Variants in FCHO1 observed in about 807,000 individuals in gnomAD.
FCHO1 encodes FCH and mu domain containing endocytic adaptor 1.
In FCHO1, 45 loss-of-function variants were observed where a neutral mutation model predicts 114.4. That is an observed-to-expected ratio of 0.39 (90% CI 0.31 to 0.50). FCHO1 has a LOEUF of 0.50. Ranked by LOEUF, FCHO1 falls within the 20% of genes least tolerant of loss-of-function variation. The pLI is 0.77. For missense variants in FCHO1, 1,042 were observed against 1,209.6 expected, an observed-to-expected ratio of 0.86 and a Z score of 2.06; for synonymous variants, 480 against 488.9, an observed-to-expected ratio of 0.98 and a Z score of 0.24.
Position 17,766,707 on chromosome 19 carries a change from C to T in FCHO1, c.233C>T (p.Ser78Leu), listed in dbSNP as rs2089309614. 5.6e-6 allele frequency: 9 copies of T among 1,614,064 alleles called. No homozygotes were observed. The highest frequency in any genetic ancestry group is 5.1e-6 in the Non-Finnish European group (6 of 1,180,040). ...CTCTGGGAGGTCTTCCGCGTCTCCT[C>T]GGACAAGCTGGCGCTGTGCCACCTG... Reference protein sequence around the residue: ...APLWEVFRVSSDKLALCHLEL... With the variant: ...APLWEVFRVSLDKLALCHLEL... Residue 78 changes from serine to leucine, a missense_variant, in exon 7 of 29, where the codon TCG becomes TTG. Transcript: ENST00000596536.
At chr19:17,783,511 G>T (rs961306672) in intron 24 of FCHO1, among the ~76,000 whole-genome samples, 2 of 151,482 alleles carry the variant, frequency 1.3e-5, no homozygotes, top group Non-Finnish European at 2.9e-5. Context: ...CAGGCAATCC[G>T]CCCGCCTTGG....
chr19:17,781,746 C>T lies in FCHO1; in HGVS notation c.1863C>T (p.Gly621=), dbSNP rs1423021102. The stretch of plus-strand genomic sequence containing the variant: ...GGGGTCCGAGCCCTGTGGTCCTGGG[C>T]TCCCAGGATGCCCTGCCCATAGCCA... ...VSRGPSPVVL[G]SQDALPIATA... is the part of the protein sequence containing the mutation. Residue 621 remains glycine, a synonymous_variant, in exon 23 of 29, where the codon GGC becomes GGT. Transcript: ENST00000596536. The T allele has an allele frequency of 1.2e-6, 2 of 1,610,672 alleles. No homozygotes were observed. The highest frequency in any genetic ancestry group is 1.7e-6 in the Non-Finnish European group (2 of 1,178,364).
chr19:17,766,883 C>G, intron 7 of FCHO1, 73 bp downstream of exon 7: 5 of 1,512,252 alleles, frequency 3.3e-6, no homozygotes, highest in Non-Finnish European at 4.5e-6. Context: ...CCCAGATCTT[C>G]TGGGGCTTTA....
At position 17,776,624 on chromosome 19, in the gene FCHO1, ATC is replaced by A; in HGVS notation, c.1208-7_1208-6del. 1 of 1,613,792 alleles carries A rather than the reference ATC, an allele frequency of 6.2e-7. No individual in the cohort carries two copies. ...GTGACAAGAAGGCTGAAGGAGGTGC[ATC>A]TCTTGTAGGGGACGCTGCTGGGAAA... On this transcript the variant is annotated splice_polypyrimidine_tract_variant and intron_variant, in intron 17 of 28. Transcript: ENST00000596536. This position sits in a 1 kb window ranked among gnomAD's most constrained non-coding sequence, Gnocchi z 4.4.
intron 18 of FCHO1, 143 bp from the exon 19 acceptor site, chr19:17,777,994 G>A (rs532891088): frequency 2.0e-5 from 12 of 596,366 alleles, no homozygotes; most frequent in African/African-American, 1.7e-4. Context: ...AGCTGAGATC[G>A]TGCCACTGCA....
Position 17,757,028 on chromosome 19 carries a change from A to C in FCHO1, c.27+1837A>C, listed in dbSNP as rs572864239. 1.4e-3 allele frequency among the ~76,000 whole-genome samples: 215 copies of C among 152,156 alleles called. 2 individuals are homozygous for C. The highest frequency in any genetic ancestry group is 2.0e-3 in the Non-Finnish European group (137 of 68,014). ...ACATGGCAAGACCCCATCTCTACTAAAAATACAAAAATTAGCCGGGCATAG... is the reference window on the plus strand; with the variant it reads ...ACATGGCAAGACCCCATCTCTACTACAAATACAAAAATTAGCCGGGCATAG... On this transcript the variant is annotated intron_variant, in intron 4 of 28. Transcript: ENST00000596536.
At position 17,775,531 on chromosome 19, in the gene FCHO1, C is replaced by A; in HGVS notation, c.1003+18C>A. ...CCAGAACAATATCCTTCTGGCACCC[C>A]CTGGGGGCAGTTGTTGGCACAGCAA... On this transcript the variant is annotated intron_variant, in intron 15 of 28. Coordinates refer to ENST00000596536, the MANE Select transcript of FCHO1 (RefSeq NM_015122.3). The surrounding 1 kb of genome is among the most constrained non-coding windows in gnomAD (Gnocchi z 5.1). 2 of 1,612,750 alleles carry A rather than the reference C, an allele frequency of 1.2e-6. No individual in the cohort carries two copies. Among genetic ancestry groups the A allele is most frequent in the South Asian group, 1.1e-5 (1 of 91,060 alleles).
At chr19:17,772,353 C>A in intron 9 of FCHO1, 104 bp from the exon 10 acceptor site, 2 of 840,016 alleles carry the variant, frequency 2.4e-6, no homozygotes, top group Non-Finnish European at 2.0e-6. Context: ...AAATCAATCA[C>A]TGAGCCAAGG....
intron 27 of FCHO1, among the ~76,000 whole-genome samples, chr19:17,787,425 A>T (rs2094007089): frequency 6.6e-6 from 1 of 151,684 alleles, no homozygotes; most frequent in Non-Finnish European, 1.5e-5. Context: ...AAAAAAAAAA[A>T]AAAGCTGAAG....
chr19:17,774,719 C>T, intron 13 of FCHO1: 1 of 589,456 alleles, frequency 1.7e-6, no homozygotes, highest in Non-Finnish European at 3.0e-6. Context: ...AATTGCCTGT[C>T]CCAGAGTAAC....
intron 11 of FCHO1, 35 bp from the exon 12 acceptor site, chr19:17,774,204 C>T (rs748823612): frequency 6.2e-7 from 1 of 1,610,666 alleles, no homozygotes; most frequent in African/African-American, 1.3e-5. Flanking sequence ...CCACCGTGCC[C>T]AGCCCCTCAA....
At chr19:17,771,366 A>G (rs564731767) in intron 9 of FCHO1, among the ~76,000 whole-genome samples, 13 of 146,166 alleles carry the variant, frequency 8.9e-5, no homozygotes, top group South Asian at 2.1e-4. Context: ...TATAAAAAAA[A>G]AAAAGAAAAG....
Position 17,784,356 on chromosome 19 carries a change from T to C in FCHO1, c.2226+121T>C, listed in dbSNP as rs1162614253. On this transcript the variant is annotated intron_variant, in intron 25 of 28. Coordinates refer to ENST00000596536, the MANE Select transcript of FCHO1 (RefSeq NM_015122.3). The surrounding 1 kb of genome is among the most constrained non-coding windows in gnomAD (Gnocchi z 5.3). ...GTCTCGAATTCCTGACCTCAAGAGATCCAATCTGTGAGAGCCGATGAGCTG... is the reference window on the plus strand; with the variant it reads ...GTCTCGAATTCCTGACCTCAAGAGACCCAATCTGTGAGAGCCGATGAGCTG... 3 of 1,278,828 alleles carry C rather than the reference T, an allele frequency of 2.3e-6. No homozygotes were observed. The highest frequency in any genetic ancestry group is 3.2e-6 in the Non-Finnish European group (3 of 933,126). The allele number at this position is 1,278,828 out of a possible 1,614,324, so 79.2% of individuals were successfully genotyped here.
intron 26 of FCHO1, 81 bp downstream of exon 26, chr19:17,785,005 G>A (rs1568376808): frequency 1.5e-5 from 21 of 1,427,980 alleles, no homozygotes; most frequent in Non-Finnish European, 1.8e-5. Flanking sequence ...ATTGATTAAA[G>A]GGTGCACCCT....
chr19:17,758,325 C>T (rs1287373151), intron 4 of FCHO1, among the ~76,000 whole-genome samples: 1 of 152,000 alleles, frequency 6.6e-6, no homozygotes, highest in Non-Finnish European at 1.5e-5. Flanking sequence ...GGCAATGATC[C>T]TTGGGAAGTG....
At position 17,781,812 on chromosome 19, in the gene FCHO1, C is replaced by T. The variant is rs769017557; in HGVS notation, c.1929C>T (p.His643=). 3.4e-5 allele frequency: 54 copies of T among 1,595,818 alleles called. No individual in the cohort carries two copies. The East Asian group carries it at 1.0e-3, about 30-fold the overall frequency. Residue 643 remains histidine (H), a synonymous_variant, in exon 23 of 29, where the codon CAC becomes CAT. Coordinates refer to ENST00000596536, the MANE Select transcript of FCHO1 (RefSeq NM_015122.3). ...TEYVHAYFRG[H]SPSCLARVTG... is the part of the protein sequence containing the mutation. ...ATGTCCACGCCTACTTCCGTGGCCA[C>T]AGCCCCAGGTACCCAGTGATGGGCA...
Position 17,778,698 on chromosome 19 carries a change from TC to T in FCHO1, c.1444del (p.His482ThrfsTer63). On this transcript the variant is annotated frameshift_variant, in exon 20 of 29. Coordinates refer to ENST00000596536, the MANE Select transcript of FCHO1 (RefSeq NM_015122.3). LOFTEE classifies it high-confidence loss of function. ...GGAGGATTCCGGCCTGGACTCTCCGTCCCACGCGGCACCTGGCCCCTCCCCA... is the reference window on the plus strand; with the variant it reads ...GGAGGATTCCGGCCTGGACTCTCCGTCCACGCGGCACCTGGCCCCTCCCCA... ...NVEDSGLDSP[S>X]HAAPGPSPDS... The T allele has an allele frequency of 6.4e-7, 1 of 1,553,870 alleles. No individual in the cohort carries two copies.
intron 22 of FCHO1, 46 bp from the exon 23 acceptor site, chr19:17,781,666 C>A: frequency 6.4e-7 from 1 of 1,552,146 alleles, no homozygotes; most frequent in Admixed American, 1.7e-5. Context: ...AGCCTATATT[C>A]ACACTGTCTA....
chr19:17,766,672 C>T lies in FCHO1; in HGVS notation c.198C>T (p.Thr66=), dbSNP rs1431240039. ...KLASNGTPMG[T]FAPLWEVFRV... ...GTGTGACCTTGCCCGCCCCCAGGACCTTCGCCCCGCTCTGGGAGGTCTTCC... is the reference window on the plus strand; with the variant it reads ...GTGTGACCTTGCCCGCCCCCAGGACTTTCGCCCCGCTCTGGGAGGTCTTCC... The change falls in exon 7 of 29, where the codon ACC becomes ACT. Residue 66 remains threonine (T), a synonymous_variant. Transcript: ENST00000596536. The T allele has an allele frequency of 1.9e-6, 3 of 1,614,136 alleles. No homozygotes were observed. The highest frequency in any genetic ancestry group is 1.7e-5 in the Admixed American group (1 of 60,014).
Sources: allele counts gnomAD v4.1 joint callset (sites outside exome capture counted in the v4.1 genomes callset), GRCh38; gene constraint gnomAD v4.1.1; non-coding constraint Gnocchi (gnomAD v3.1); transcripts MANE v1.5; gene names NCBI Gene and HGNC (gene_info 2026-07-23, HGNC 2026-07-21).